Variants in SAMD12 observed in about 807,000 individuals in gnomAD.
SAMD12 encodes the protein sterile alpha motif domain-containing protein 12.
SAMD12 carries 9 observed loss-of-function variants against 15.0 expected under a neutral mutation model. The observed-to-expected ratio is 0.60, with a 90% CI of 0.36 to 1.05. SAMD12 has a LOEUF of 1.05. Among genes scored for constraint, SAMD12 ranks in the 50% least tolerant of loss-of-function variants. The pLI, the probability that SAMD12 is intolerant of heterozygous loss-of-function variation, is 0.01. For missense variants in SAMD12, 230 were observed against 234.2 expected, an observed-to-expected ratio of 0.98 and a Z score of 0.12; for synonymous variants, 86 against 90.1, an observed-to-expected ratio of 0.96 and a Z score of 0.25.
chr8:118,301,286 T>C (rs1815013493), intron 4 of SAMD12, among the ~76,000 whole-genome samples: 1 of 152,220 alleles, frequency 6.6e-6, no homozygotes, highest in Non-Finnish European at 1.5e-5. Context: ...ATTATACAAC[T>C]GTGAACACCA....
chr8:118,541,363 T>C (rs958420884), intron 2 of SAMD12, among the ~76,000 whole-genome samples: 4 of 152,120 alleles, frequency 2.6e-5, no homozygotes, highest in Admixed American at 2.6e-4. Flanking sequence ...TGAAACTGCC[T>C]ATCCACATAC....
chr8:118,351,655 AG>A (rs1333671619), intron 4 of SAMD12, among the ~76,000 whole-genome samples: 1 of 152,186 alleles, frequency 6.6e-6, no homozygotes, highest in Non-Finnish European at 1.5e-5. Context: ...AGCTTGCCCA[AG>A]TTCCTTTCTG....
At position 118,252,654 on chromosome 8, in the gene SAMD12, T is replaced by C. The variant is rs145853123; in HGVS notation, c.434-54922A>G. On this transcript the variant is annotated intron_variant, in intron 4 of 4. Transcript: ENST00000409003. ...CTTTCTCTCCCCTCATTCCCTCTTT[T>C]CCTTCCTCTTTCTCTTTCTCCCACT... 4.6e-5 allele frequency among the ~76,000 whole-genome samples: 7 copies of C among 152,232 alleles called. No individual in the cohort carries two copies. In the East Asian group the frequency reaches 5.8e-4, roughly 13 times the overall value.
intron 4 of SAMD12, among the ~76,000 whole-genome samples, chr8:118,276,798 A>C (rs751951915): frequency 3.3e-5 from 5 of 151,940 alleles, no homozygotes; most frequent in Non-Finnish European, 7.4e-5. Context: ...TCAACTTCCC[A>C]ATTAACTGGG....
chr8:118,450,975 G>C (rs1563868164), intron 2 of SAMD12, among the ~76,000 whole-genome samples: 1 of 152,228 alleles, frequency 6.6e-6, no homozygotes. Context: ...CATCATGTTC[G>C]ATATCATTCT....
intron 1 of SAMD12, among the ~76,000 whole-genome samples, chr8:118,620,289 A>G (rs1201861111): frequency 6.6e-6 from 1 of 151,288 alleles, no homozygotes; most frequent in Non-Finnish European, 1.5e-5. Context: ...TAGAACGGAC[A>G]CTTAAGGAGT....
chr8:118,469,509 A>ATTTT (rs1554669373), intron 2 of SAMD12, among the ~76,000 whole-genome samples: 2 of 720 alleles, frequency 2.8e-3, no homozygotes, highest in African/African-American at 5.9e-3. Flanking sequence ...ATTTTTATAT[A>ATTTT]ATATATAATA....
At chr8:118,412,745 C>T (rs1205570763) in intron 3 of SAMD12, among the ~76,000 whole-genome samples, 1 of 152,078 alleles carries the variant, frequency 6.6e-6, no homozygotes, top group Non-Finnish European at 1.5e-5. Context: ...CCAAATCCTT[C>T]CTGAAATCTT....
intron 4 of SAMD12, among the ~76,000 whole-genome samples, chr8:118,310,647 G>T (rs1385592752): frequency 1.3e-5 from 2 of 152,182 alleles, no homozygotes. Context: ...TCTCCTGAAT[G>T]CCTACCTTCT....
chr8:118,544,579 T>C (rs960493283), intron 2 of SAMD12, among the ~76,000 whole-genome samples: 1 of 152,178 alleles, frequency 6.6e-6, no homozygotes, highest in Non-Finnish European at 1.5e-5. Context: ...CCAGGTCACA[T>C]TCCTTGAAAA....
At chr8:118,135,347 A>G in the SAMD12 span, among the ~76,000 whole-genome samples, 888 of 151,604 alleles carry the variant, frequency 5.9e-3, 10 homozygotes, top group Non-Finnish European at 6.3e-3. Context: ...ATGTCTGGCT[A>G]ATTTTTGTAT....
intron 2 of SAMD12, among the ~76,000 whole-genome samples, chr8:118,503,229 T>C (rs1215382819): frequency 6.6e-6 from 1 of 152,246 alleles, no homozygotes; most frequent in African/African-American, 2.4e-5. Context: ...AGGGCTTTCT[T>C]GCAAGTGAAA....
intron 2 of SAMD12, among the ~76,000 whole-genome samples, chr8:118,574,596 T>C (rs946507320): frequency 3.3e-5 from 5 of 152,240 alleles, no homozygotes; most frequent in Non-Finnish European, 5.9e-5. Context: ...ATATTAATTG[T>C]CATACTTTTC....
At chr8:118,445,290 T>A (rs1273627061) in intron 2 of SAMD12, among the ~76,000 whole-genome samples, 2 of 152,194 alleles carry the variant, frequency 1.3e-5, no homozygotes, top group Non-Finnish European at 2.9e-5. Context: ...GATATATGAA[T>A]TAATTAATTT....
At chr8:118,546,601 C>T (rs1826133848) in intron 2 of SAMD12, among the ~76,000 whole-genome samples, 1 of 152,140 alleles carries the variant, frequency 6.6e-6, no homozygotes, top group South Asian at 2.1e-4. Flanking sequence ...TGAGACATTT[C>T]TAGAAGATTT....
intron 4 of SAMD12, among the ~76,000 whole-genome samples, chr8:118,225,855 G>C (rs142730418): frequency 2.0e-5 from 3 of 152,284 alleles, no homozygotes; most frequent in African/African-American, 7.2e-5. Flanking sequence ...GACAGATAAT[G>C]AGATTGAGGC....
At chr8:118,221,897 G>T (rs1457753593) in intron 4 of SAMD12, among the ~76,000 whole-genome samples, 1 of 152,124 alleles carries the variant, frequency 6.6e-6, no homozygotes, top group Non-Finnish European at 1.5e-5. Context: ...TCCATGTTTC[G>T]CTTTTTGCTC....
chr8:118,516,154 C>T (rs1411443372), intron 2 of SAMD12, among the ~76,000 whole-genome samples: 1 of 152,224 alleles, frequency 6.6e-6, no homozygotes, highest in Non-Finnish European at 1.5e-5. Flanking sequence ...ATCTCCAGAG[C>T]CACCTCCTGT....
intron 4 of SAMD12, among the ~76,000 whole-genome samples, chr8:118,306,252 T>G (rs1357815588): frequency 6.6e-6 from 1 of 152,212 alleles, no homozygotes; most frequent in Non-Finnish European, 1.5e-5. Flanking sequence ...GAAAGAAGTT[T>G]CAAAGTTTCT....
Sources: allele counts gnomAD v4.1 joint callset (sites outside exome capture counted in the v4.1 genomes callset), GRCh38; gene constraint gnomAD v4.1.1; transcripts MANE v1.5; gene names NCBI Gene and HGNC (gene_info 2026-07-23, HGNC 2026-07-21).